Variants in TECPR1 observed in about 807,000 individuals in gnomAD.
TECPR1 encodes tectonin beta-propeller repeat-containing protein 1.
Under a neutral mutation model 162.4 loss-of-function variants are expected in TECPR1, and 122 were observed. That is an observed-to-expected ratio of 0.75 (90% CI 0.65 to 0.87). The LOEUF is 0.87. Among genes scored for constraint, TECPR1 ranks in the 40% least tolerant of loss-of-function variants. The pLI is 0.00. For synonymous variants in TECPR1, 642 were observed against 670.6 expected (o/e 0.96, Z 0.66); for missense variants, 1,432 against 1,618.2 (o/e 0.88, Z 1.97).
chr7:98,229,749 G>A (rs1237926035), intron 15 of TECPR1, among the ~76,000 whole-genome samples: 1 of 152,140 alleles, frequency 6.6e-6, no homozygotes, highest in African/African-American at 2.4e-5. Context: ...CACCAGAGGC[G>A]GTCTGAATCC....
intron 5 of TECPR1, among the ~76,000 whole-genome samples, chr7:98,243,824 G>A (rs943435969): frequency 6.6e-6 from 1 of 152,126 alleles, no homozygotes; most frequent in African/African-American, 2.4e-5. Flanking sequence ...TCAAACTCCC[G>A]GCCTCAAGTG....
rs139511001 is a variant in TECPR1, at chr7:98,232,785, G to GAA, written c.1818+40_1818+41dup. On this transcript the variant is annotated intron_variant, in intron 12 of 25. Coordinates refer to ENST00000447648, the MANE Select transcript of TECPR1 (RefSeq NM_015395.3). This position sits in a 1 kb window ranked among gnomAD's most constrained non-coding sequence, Gnocchi z 4.6. The stretch of plus-strand genomic sequence containing the variant: ...GCAGGCGCTCAATGAATGATTGCTG[G>GAA]AAAAAAAAAAAAAATGCATGCGCAG... The GAA allele has an allele frequency of 2.3e-4, 310 of 1,329,080 alleles. No homozygotes were observed. Among genetic ancestry groups the GAA allele is most frequent in the South Asian group, 6.0e-4 (41 of 68,360 alleles). The allele number at this position is 1,329,080 out of a possible 1,614,324, so 82.3% of individuals were successfully genotyped here.
chr7:98,243,594 T>TGAAG lies in TECPR1; in HGVS notation c.532-6_532-3dup. On this transcript the variant is annotated splice_polypyrimidine_tract_variant and splice_region_variant and intron_variant, in intron 5 of 25. Transcript: ENST00000447648. Reference sequence around the variant, plus strand: ...CTTGGGGTCATCCTTCGAGGGGATCTGAAGGAAGGAAGTGAGAAATGGTAG... The same window carrying TGAAG: ...CTTGGGGTCATCCTTCGAGGGGATCTGAAGGAAGGAAGGAAGTGAGAAATGGTAG... The TGAAG allele has an allele frequency of 6.2e-7, 1 of 1,611,250 alleles. No individual in the cohort carries two copies. The highest frequency in any genetic ancestry group is 8.5e-7 in the Non-Finnish European group (1 of 1,178,890).
rs986223892 is a variant in TECPR1, at chr7:98,217,423, G to A, written c.3465C>T (p.Ala1155=). Residue 1155 remains alanine, a synonymous_variant, in exon 26 of 26, where the codon GCC becomes GCT. Coordinates refer to ENST00000447648, the MANE Select transcript of TECPR1 (RefSeq NM_015395.3). ...AGACGGGGCCATGGGCCTCTGGTGG[G>A]GCACTCGGCTCCTGCTCCTGGGACG... is the stretch of plus-strand genomic sequence containing the variant. ...RSSSQEQEPS[A]PPEAHGPVCC is the part of the protein sequence containing the mutation. 7 of 1,606,212 alleles carry A rather than the reference G, an allele frequency of 4.4e-6. No homozygotes were observed. In the African/African-American group the frequency reaches 5.3e-5, roughly 12 times the overall value.
At position 98,241,047 on chromosome 7, in the gene TECPR1, G is replaced by A. The variant is rs1798734070; in HGVS notation, c.832+23C>T. On this transcript the variant is annotated intron_variant, in intron 7 of 25. Transcript: ENST00000447648. The surrounding 1 kb of genome is among the most constrained non-coding windows in gnomAD (Gnocchi z 5.0). ...CCTTCTCCCCAGTACAGGGTATGTG[G>A]GTGGGGGAGCCGGGCTGCCCACCTT... 3 of 1,595,014 alleles carry A rather than the reference G, an allele frequency of 1.9e-6. No homozygotes were observed. The highest frequency in any genetic ancestry group is 2.3e-5 in the South Asian group (2 of 88,568).
rs1405850651 is a variant in TECPR1, at chr7:98,241,535, C to T, written c.658-291G>A. Among the ~76,000 whole-genome samples the T allele has an allele frequency of 6.6e-6, 1 of 152,224 alleles. No individual in the cohort carries two copies. The highest frequency in any genetic ancestry group is 1.5e-5 in the Non-Finnish European group (1 of 68,032). ...GTGGGTCTCCGGCCACTCTGGCCAG[C>T]CCGTGTGTCCCATGCCCCCTTGTGG... On this transcript the variant is annotated intron_variant, in intron 6 of 25. Coordinates refer to ENST00000447648, the MANE Select transcript of TECPR1 (RefSeq NM_015395.3). This position sits in a 1 kb window ranked among gnomAD's most constrained non-coding sequence, Gnocchi z 5.0.
At chr7:98,244,801 C>A in intron 4 of TECPR1, 84 bp downstream of exon 4, 1 of 1,585,696 alleles carries the variant, frequency 6.3e-7, no homozygotes, top group South Asian at 1.1e-5. Context: ...TCAGGCACCA[C>A]AGGGTGCAGG....
rs1797981566 is a variant in TECPR1 at position 98,215,436 on chromosome 7, AC to A, written c.*1953del. ...TCATAAAACAAAAATAAAAGATTTC[AC>A]AGCAATGTCTGCTTCAGGCACACGG... On this transcript the variant is annotated 3_prime_UTR_variant, in exon 26 of 26. Coordinates refer to ENST00000447648, the MANE Select transcript of TECPR1 (RefSeq NM_015395.3). The A allele has an allele frequency of 6.6e-6, 1 of 152,290 alleles. No homozygotes were observed. Among genetic ancestry groups the A allele is most frequent in the Non-Finnish European group, 1.5e-5 (1 of 68,056 alleles). 9.4% of individuals were successfully genotyped at this position (152,290 alleles called of 1,614,324 possible).
intron 15 of TECPR1, among the ~76,000 whole-genome samples, chr7:98,229,436 T>G (rs2116563859): frequency 6.6e-6 from 1 of 152,240 alleles, no homozygotes; most frequent in South Asian, 2.1e-4. Context: ...CCCACCCACT[T>G]CAGCCCCATG....
chr7:98,218,874 A>G (rs1355731377), intron 23 of TECPR1, among the ~76,000 whole-genome samples: 1 of 152,226 alleles, frequency 6.6e-6, no homozygotes, highest in Admixed American at 6.5e-5. Context: ...TTTTTACAGA[A>G]TTAGAAAAAA....
rs755512188 is a variant in TECPR1 at position 98,233,643 on chromosome 7, C to CGGCCGGGGTGGG, written c.1438_1449dup (p.Pro480_Ala483dup). The CGGCCGGGGTGGG allele has an allele frequency of 2.5e-6, 4 of 1,590,308 alleles. No homozygotes were observed. The South Asian group carries it at 4.5e-5, about 18-fold the overall frequency. On this transcript the variant is annotated inframe_insertion, in exon 11 of 26. Transcript: ENST00000447648. ...AGGTCAATATTGGTCCAGGGCAGCT[C>CGGCCGGGGTGGG]GGCCGGGGTGGGGGCCGGGCCGGGG... is the stretch of plus-strand genomic sequence containing the variant.
In TECPR1 at chr7:98,236,850, C is replaced by A; in HGVS notation, c.1107G>T (p.Gly369=). Residue 369 remains glycine (G), a synonymous_variant, in exon 10 of 26, where the codon GGG becomes GGT. Coordinates refer to ENST00000447648, the MANE Select transcript of TECPR1 (RefSeq NM_015395.3). ...CCGCGATGATGGCTTTCCAGGTCTT[C>A]CCACTGAGCTCGCTGGGGGTGACAC... is the stretch of plus-strand genomic sequence containing the variant. ...RQGVTPSELS[G]KTWKAIIAAR... The A allele has an allele frequency of 6.3e-7, 1 of 1,586,408 alleles. No individual in the cohort carries two copies. The highest frequency in any genetic ancestry group is 8.6e-7 in the Non-Finnish European group (1 of 1,169,012).
rs34415455 is a variant in TECPR1, at chr7:98,216,558, CT to C, written c.*831del. 0.016 allele frequency: 1,771 copies of C among 110,014 alleles called. 19 individuals are homozygous for C. The highest frequency in any genetic ancestry group is 0.04 in the Admixed American group (420 of 10,522). The allele number at this position is 110,014 out of a possible 1,614,324, so 6.8% of individuals were successfully genotyped here. Reference sequence around the variant, plus strand: ...TCCAATCTGCTGTCTCCTTCCTTCACTTTTTTTTTTTTTTTTTTTTGAGATG... The same window carrying C: ...TCCAATCTGCTGTCTCCTTCCTTCACTTTTTTTTTTTTTTTTTTTGAGATG... On this transcript the variant is annotated 3_prime_UTR_variant, in exon 26 of 26. Transcript: ENST00000447648.
intron 23 of TECPR1, among the ~76,000 whole-genome samples, chr7:98,220,273 G>A (rs1179717494): frequency 6.6e-6 from 1 of 152,082 alleles, no homozygotes; most frequent in Non-Finnish European, 1.5e-5. Flanking sequence ...GAACCTGGGA[G>A]GCGGAGGTTG....
intron 10 of TECPR1, among the ~76,000 whole-genome samples, chr7:98,235,150 G>A (rs1469529191): frequency 6.6e-6 from 1 of 152,098 alleles, no homozygotes; most frequent in Non-Finnish European, 1.5e-5. Context: ...AGAAGCTATC[G>A]CTAACCTCAA....
intron 15 of TECPR1, 92 bp downstream of exon 15, chr7:98,230,869 C>T (rs1174894422): frequency 1.0e-5 from 15 of 1,481,586 alleles, no homozygotes; most frequent in Middle Eastern, 2.5e-4. Flanking sequence ...CTTGACCCTG[C>T]GTGGACTCCA....
rs769013152 is a variant in TECPR1 at position 98,222,411 on chromosome 7, T to G, written c.3039A>C (p.Gly1013=). 1.9e-6 allele frequency: 3 copies of G among 1,599,218 alleles called. No individual in the cohort carries two copies. The highest frequency in any genetic ancestry group is 1.7e-4 in the Middle Eastern group (1 of 5,956). ...VARDGSAFYR[G]SVYPSQPAGD... ...CGGCTGGCTGCGAGGGGTACACGGA[T>G]CCCCGGTAGAAGGCGGAGCCGTCCC... Residue 1013 remains glycine (G), a synonymous_variant, in exon 22 of 26, where the codon GGA becomes GGC. Transcript: ENST00000447648.
At chr7:98,223,836 T>C (rs1798206996) in intron 19 of TECPR1, 118 bp from the exon 20 acceptor site, 12 of 1,116,756 alleles carry the variant, frequency 1.1e-5, no homozygotes, top group South Asian at 2.8e-5. Flanking sequence ...GTGGAAGCCA[T>C]GGATGGGGTT....
At chr7:98,225,933 C>G (rs915968549) in intron 17 of TECPR1, among the ~76,000 whole-genome samples, 55 of 152,216 alleles carry the variant, frequency 3.6e-4, no homozygotes, top group African/African-American at 1.3e-3. Flanking sequence ...CCACATTTCT[C>G]TTGTTCAAAC....
Sources: gnomAD v4.1 joint callset for allele counts (sites outside exome capture counted in the v4.1 genomes callset) on GRCh38, gnomAD v4.1.1 for gene constraint, Gnocchi (gnomAD v3.1) non-coding constraint, MANE v1.5 for transcripts, NCBI Gene and HGNC (gene_info 2026-07-23, HGNC 2026-07-21) for gene names.